The following MEF2C variants were observed in gnomAD, a reference collection of about 807,000 sequenced individuals.
MEF2C encodes the protein myocyte-specific enhancer factor 2C.
In MEF2C, 6 loss-of-function variants were observed where a neutral mutation model predicts 50.5. That is an observed-to-expected ratio of 0.12 (90% CI 0.07 to 0.23). The LOEUF is 0.23. MEF2C is among the 10% of genes least tolerant of loss of function. MEF2C has a pLI of 1.00. For synonymous variants in MEF2C, 183 were observed against 228.0 expected, an observed-to-expected ratio of 0.80 and a Z score of 1.78; for missense variants, 276 against 605.0, an observed-to-expected ratio of 0.46 and a Z score of 5.70.
At chr5:88,813,083 A>C (rs1035308637) in intron 2 of MEF2C, among the ~76,000 whole-genome samples, 3 of 152,168 alleles carry the variant, frequency 2.0e-5, no homozygotes, top group Admixed American at 6.5e-5. Context: ...CTAGGTTCTG[A>C]CAGTAAATCA....
At chr5:88,826,356 T>C (rs1356309338) in intron 1 of MEF2C, among the ~76,000 whole-genome samples, 1 of 152,012 alleles carries the variant, frequency 6.6e-6, no homozygotes, top group Non-Finnish European at 1.5e-5. Context: ...TCTGTATAAA[T>C]ATTTCTTGAG....
chr5:88,752,438 CTTTGA>C (rs895735487), intron 4 of MEF2C, among the ~76,000 whole-genome samples: 1 of 152,158 alleles, frequency 6.6e-6, no homozygotes, highest in African/African-American at 2.4e-5. Context: ...AAACCGAAGC[CTTTGA>C]TTTAATTGCT....
At chr5:88,844,928 C>T (rs1012540332) in intron 1 of MEF2C, among the ~76,000 whole-genome samples, 3 of 152,182 alleles carry the variant, frequency 2.0e-5, no homozygotes, top group Non-Finnish European at 4.4e-5. Context: ...ATGCCGTGTT[C>T]TGCAATTTAT....
At chr5:88,757,892 A>T (rs1487063300) in intron 4 of MEF2C, among the ~76,000 whole-genome samples, 1 of 152,156 alleles carries the variant, frequency 6.6e-6, no homozygotes, top group Non-Finnish European at 1.5e-5. Context: ...CTCCATCCTG[A>T]GGCACGGGGT....
At chr5:88,778,155 G>C (rs377157938) in intron 3 of MEF2C, among the ~76,000 whole-genome samples, 9 of 151,514 alleles carry the variant, frequency 5.9e-5, no homozygotes, top group African/African-American at 2.2e-4. Flanking sequence ...TGATCCACCC[G>C]CCTCAGCCTC....
intron 1 of MEF2C, among the ~76,000 whole-genome samples, chr5:88,870,028 A>C (rs765379384): frequency 6.6e-6 from 1 of 151,756 alleles, no homozygotes; most frequent in South Asian, 2.1e-4. Context: ...TTTTTAAACA[A>C]TGCTTTGACT....
At chr5:88,839,965 A>T (rs1816732932) in intron 1 of MEF2C, among the ~76,000 whole-genome samples, 2 of 152,304 alleles carry the variant, frequency 1.3e-5, no homozygotes, top group Middle Eastern at 3.4e-3. Flanking sequence ...AAAAGAGAAA[A>T]AAATCTTTTC....
chr5:88,797,933 G>T (rs961677390), intron 3 of MEF2C, among the ~76,000 whole-genome samples: 5 of 152,128 alleles, frequency 3.3e-5, no homozygotes, highest in African/African-American at 1.2e-4. Flanking sequence ...TGAAATTCTG[G>T]GTTGAAAATT....
intron 1 of MEF2C, among the ~76,000 whole-genome samples, chr5:88,830,378 A>G (rs1340728404): frequency 6.6e-6 from 1 of 152,086 alleles, no homozygotes; most frequent in East Asian, 1.9e-4. Context: ...AATTAATTTA[A>G]TAAGTGGGCC....
intron 1 of MEF2C, among the ~76,000 whole-genome samples, chr5:88,851,233 C>CAAAAAA (rs35458971): frequency 3.4e-4 from 36 of 106,714 alleles, no homozygotes; most frequent in East Asian, 7.9e-4. Flanking sequence ...CTCCATCTCA[C>CAAAAAA]AAAAAAAAAA....
chr5:88,771,338 G>T (rs1355815917), intron 3 of MEF2C: 1 of 689,824 alleles, frequency 1.4e-6, no homozygotes, highest in Non-Finnish European at 1.8e-6. Context: ...ATCCTTCCTA[G>T]AATATCCTTA....
At chr5:88,725,219 TACAA>T (rs1208965917) in intron 10 of MEF2C, among the ~76,000 whole-genome samples, 1 of 152,126 alleles carries the variant, frequency 6.6e-6, no homozygotes, top group African/African-American at 2.4e-5. Context: ...TATCCCTTCC[TACAA>T]ACAGACTAGC....
chr5:88,744,218 TG>T, intron 6 of MEF2C: 1 of 850,752 alleles, frequency 1.2e-6, no homozygotes, highest in Non-Finnish European at 1.4e-6. Context: ...CAACCGAACT[TG>T]ATCTTACCAT....
At chr5:88,892,749 C>G (rs1834729112) in intron 1 of MEF2C, among the ~76,000 whole-genome samples, 1 of 152,308 alleles carries the variant, frequency 6.6e-6, no homozygotes, top group African/African-American at 2.4e-5. Flanking sequence ...AGTCTATCCT[C>G]TTTTCACCCT....
chr5:88,837,155 T>G (rs998036513), intron 1 of MEF2C, among the ~76,000 whole-genome samples: 7 of 152,168 alleles, frequency 4.6e-5, no homozygotes, highest in Admixed American at 2.6e-4. Context: ...TTGGAAATGC[T>G]AGCTTTAAAG....
intron 1 of MEF2C, among the ~76,000 whole-genome samples, chr5:88,896,525 C>T (rs1348206313): frequency 6.6e-6 from 1 of 152,160 alleles, no homozygotes; most frequent in Non-Finnish European, 1.5e-5. Flanking sequence ...CTTCTATCTC[C>T]TCTATTAAAT....
intron 6 of MEF2C, chr5:88,737,864 A>G (rs1764760453): frequency 1.0e-6 from 1 of 985,310 alleles, no homozygotes; most frequent in African/African-American, 1.7e-5. Flanking sequence ...ACCAAATTTT[A>G]TACTCTAGAA....
intron 10 of MEF2C, among the ~76,000 whole-genome samples, chr5:88,727,441 G>C (rs1369104951): frequency 6.6e-6 from 1 of 152,094 alleles, no homozygotes; most frequent in Non-Finnish European, 1.5e-5. Context: ...GAAAGCTAGT[G>C]GGTGGGGGGA....
At chr5:88,861,796 T>C (rs957830548) in intron 1 of MEF2C, among the ~76,000 whole-genome samples, 2 of 152,220 alleles carry the variant, frequency 1.3e-5, no homozygotes, top group Admixed American at 6.5e-5. Context: ...AAATCTCTAA[T>C]AGTATGCTAA....
Sources: gnomAD v4.1 joint callset for allele counts (sites outside exome capture counted in the v4.1 genomes callset) on GRCh38, gnomAD v4.1.1 for gene constraint, MANE v1.5 for transcripts, NCBI Gene and HGNC (gene_info 2026-07-23, HGNC 2026-07-21) for gene names.